The following CDH18 variants were observed in gnomAD, a reference collection of about 807,000 sequenced individuals.
CDH18 encodes cadherin-18.
CDH18 carries 31 observed loss-of-function variants against 67.9 expected under a neutral mutation model. That is an observed-to-expected ratio of 0.46 (90% CI 0.34 to 0.62). The LOEUF is 0.62. CDH18 is among the 20% of genes least tolerant of loss of function. The pLI is 0.01. For synonymous variants in CDH18, 362 were observed against 347.2 expected (o/e 1.04, Z -0.48); for missense variants, 890 against 975.5 (o/e 0.91, Z 1.17).
At chr5:19,628,590 A>G (rs1309196857) in intron 5 of CDH18, among the ~76,000 whole-genome samples, 2 of 152,126 alleles carry the variant, frequency 1.3e-5, no homozygotes, top group Non-Finnish European at 2.9e-5. Context: ...AGGATGATCC[A>G]AAGTGTTTGA....
At chr5:19,824,377 G>A (rs1441984496) in intron 3 of CDH18, among the ~76,000 whole-genome samples, 1 of 152,148 alleles carries the variant, frequency 6.6e-6, no homozygotes, top group Non-Finnish European at 1.5e-5. Context: ...GGAGACAGGA[G>A]AACCTCCCCA....
At chr5:20,004,450 G>T (rs1236431846) in intron 2 of CDH18, among the ~76,000 whole-genome samples, 3 of 152,104 alleles carry the variant, frequency 2.0e-5, no homozygotes, top group Admixed American at 6.5e-5. Context: ...TAAAGGGTGG[G>T]GTCGATTGGA....
chr5:19,478,984 C>G (rs1481928301), intron 12 of CDH18, among the ~76,000 whole-genome samples: 1 of 152,162 alleles, frequency 6.6e-6, no homozygotes, highest in Non-Finnish European at 1.5e-5. Context: ...TAAAGTTAGC[C>G]TCTTTGGTTG....
intron 1 of CDH18, among the ~76,000 whole-genome samples, chr5:20,553,416 C>T (rs1757745419): frequency 6.6e-6 from 1 of 152,140 alleles, no homozygotes; most frequent in Non-Finnish European, 1.5e-5. Flanking sequence ...AACAAATTGT[C>T]CTTTCCCAAC....
At chr5:20,431,271 A>C (rs1748713530) in intron 1 of CDH18, among the ~76,000 whole-genome samples, 1 of 151,958 alleles carries the variant, frequency 6.6e-6, no homozygotes, top group Non-Finnish European at 1.5e-5. Context: ...TGTGCAGATC[A>C]CTTGAGGTCA....
Position 20,406,618 on chromosome 5 carries a change from G to A in CDH18, c.-579-151113C>T, listed in dbSNP as rs192521474. Among the ~76,000 whole-genome samples the A allele has an allele frequency of 1.6e-4, 25 of 151,888 alleles. 1 individual carries two copies. The highest frequency in any genetic ancestry group is 1.4e-3 in the Admixed American group (22 of 15,226). On this transcript the variant is annotated intron_variant, in intron 1 of 14. Transcript: ENST00000507958. ...TAGAAAATGAAAAACAATAATAAAT[G>A]GCTATTAAAAAATAGAAACTATCAA...
chr5:20,359,747 C>A (rs1741939882), intron 1 of CDH18, among the ~76,000 whole-genome samples: 1 of 152,090 alleles, frequency 6.6e-6, no homozygotes, highest in Admixed American at 6.6e-5. Context: ...TTCCTCATTA[C>A]ATGTGTTATC....
chr5:20,161,583 T>A (rs905730910), intron 2 of CDH18, among the ~76,000 whole-genome samples: 1 of 152,222 alleles, frequency 6.6e-6, no homozygotes, highest in Non-Finnish European at 1.5e-5. Context: ...TCTCATTATC[T>A]CTTTTTGTTC....
chr5:20,226,696 C>T (rs1741656839), intron 2 of CDH18, among the ~76,000 whole-genome samples: 1 of 152,074 alleles, frequency 6.6e-6, no homozygotes, highest in Admixed American at 6.6e-5. Context: ...ATAGATCCTT[C>T]TGTCATGACA....
chr5:20,420,767 T>C (rs1417741901), intron 1 of CDH18, among the ~76,000 whole-genome samples: 1 of 151,266 alleles, frequency 6.6e-6, no homozygotes, highest in Non-Finnish European at 1.5e-5. Context: ...TCTTAAACTA[T>C]TTTATTGCCT....
intron 1 of CDH18, among the ~76,000 whole-genome samples, chr5:20,418,793 C>T (rs1395512974): frequency 6.6e-6 from 1 of 151,830 alleles, no homozygotes; most frequent in Admixed American, 6.6e-5. Flanking sequence ...TTTGTGTCAC[C>T]CCAAAATCAT....
intron 2 of CDH18, among the ~76,000 whole-genome samples, chr5:20,008,505 C>T (rs1330894738): frequency 6.6e-6 from 1 of 152,140 alleles, no homozygotes; most frequent in Admixed American, 6.6e-5. Context: ...TGTATAACAA[C>T]CGTGTTTCCC....
intron 2 of CDH18, among the ~76,000 whole-genome samples, chr5:20,128,418 G>A (rs528033590): frequency 1.3e-4 from 20 of 152,188 alleles, no homozygotes; most frequent in African/African-American, 4.8e-4. Context: ...TTTGTGATAC[G>A]TAAATTACTG....
chr5:20,111,731 G>A (rs1319229475), intron 2 of CDH18, among the ~76,000 whole-genome samples: 1 of 151,780 alleles, frequency 6.6e-6, no homozygotes, highest in Non-Finnish European at 1.5e-5. Flanking sequence ...TTTTAGTAGA[G>A]ATGGGGTTTC....
intron 1 of CDH18, among the ~76,000 whole-genome samples, chr5:20,520,930 C>T (rs1165884180): frequency 1.3e-5 from 2 of 152,176 alleles, no homozygotes; most frequent in African/African-American, 4.8e-5. Flanking sequence ...TGGTTGTGCA[C>T]TGCACAAGAC....
chr5:19,660,673 G>A (rs1279596937), intron 5 of CDH18, among the ~76,000 whole-genome samples: 1 of 152,076 alleles, frequency 6.6e-6, no homozygotes, highest in Non-Finnish European at 1.5e-5. Flanking sequence ...GAATCGTAGG[G>A]AAAATTATCA....
In CDH18 at chr5:19,748,132, AAG is replaced by A. The variant is rs1165516117; in HGVS notation, c.229-898_229-897del. Among the ~76,000 whole-genome samples, 74 of 144,420 alleles carry A rather than the reference AAG, an allele frequency of 5.1e-4. 24 individuals carry two copies. The highest frequency in any genetic ancestry group is 3.6e-3 in the South Asian group (16 of 4,438). The allele number at this position is 144,420 out of a possible 152,430, so 94.7% of individuals were successfully genotyped here. A position where few individuals can be genotyped will look rare whatever the true frequency, so the allele number is the denominator to read the frequency against. On this transcript the variant is annotated intron_variant, in intron 3 of 12. Coordinates refer to ENST00000382275, the MANE Select transcript of CDH18 (RefSeq NM_004934.5). ...CATCTCAAAAAAAAAAAAAAAAAAAAAGAGTACTTTTTTAGGGATAGAGTATT... is the reference window on the plus strand; with the variant it reads ...CATCTCAAAAAAAAAAAAAAAAAAAAAGTACTTTTTTAGGGATAGAGTATT...
At chr5:19,702,156 T>TC (rs1763351118) in intron 5 of CDH18, among the ~76,000 whole-genome samples, 1 of 147,044 alleles carries the variant, frequency 6.8e-6, no homozygotes, top group African/African-American at 2.5e-5. Context: ...CTCTTTTTTT[T>TC]TTTTTTTTTT....
At chr5:20,504,833 T>C (rs1754560436) in intron 1 of CDH18, among the ~76,000 whole-genome samples, 1 of 141,692 alleles carries the variant, frequency 7.1e-6, no homozygotes, top group Non-Finnish European at 1.5e-5. Flanking sequence ...AGTGGCGCTA[T>C]CTCAGCTCAC....
Sources: gnomAD v4.1 joint callset for allele counts (sites outside exome capture counted in the v4.1 genomes callset) on GRCh38, gnomAD v4.1.1 for gene constraint, MANE v1.5 for transcripts, NCBI Gene and HGNC (gene_info 2026-07-23, HGNC 2026-07-21) for gene names.